The following CAVIN3 variants were observed in gnomAD, a reference collection of about 807,000 sequenced individuals.
The protein encoded by CAVIN3 is caveolae associated protein 3.
Under a neutral mutation model 8.2 loss-of-function variants are expected in CAVIN3, and 11 were observed. The observed-to-expected ratio is 1.35, with a 90% CI of 0.85 to 2.23. CAVIN3 has a LOEUF of 2.23. Among genes scored for constraint, CAVIN3 ranks in the 30% most tolerant of loss-of-function variants. CAVIN3 has a pLI of 0.00. For synonymous variants in CAVIN3, 191 were observed against 166.3 expected (o/e 1.15, Z -1.14); for missense variants, 401 against 359.5 (o/e 1.12, Z -0.93).
intron 1 of CAVIN3, chr11:6,319,766 A>G: frequency 1.4e-6 from 1 of 723,658 alleles, no homozygotes; most frequent in Non-Finnish European, 2.4e-6. Flanking sequence ...GTGAGGGGCG[A>G]GAAGAGGATA....
rs1027592603 is a variant in CAVIN3 at position 6,319,448 on chromosome 11, G to A, written c.501C>T (p.Asp167=). 1.2e-6 allele frequency: 2 copies of A among 1,610,988 alleles called. No individual in the cohort carries two copies. The highest frequency in any genetic ancestry group is 1.7e-6 in the Non-Finnish European group (2 of 1,179,646). ...GGGCCCTGGACTCCACCGGCTCCTC[G>A]TCCGAGCTCTCTCCAACTTCGGCCT... is the stretch of plus-strand genomic sequence containing the variant. ...QLEAEVGESS[D]EEPVESRAQR... Residue 167 remains aspartate, a synonymous_variant, in exon 2 of 2, where the codon GAC becomes GAT. Coordinates refer to ENST00000303927, the MANE Select transcript of CAVIN3 (RefSeq NM_145040.3).
rs758251299 is a variant in CAVIN3 at position 6,320,362 on chromosome 11, G to C, written c.115C>G (p.Leu39Val). The part of the protein sequence containing the change: ...LEKLASMLET[L>V]RERQGGLARR... Reference sequence around the variant, plus strand: ...GCCAGGCCTCCCTGCCGCTCCCGCAGAGTCTCCAGCATGGAGGCCAGCTTC... The same window carrying C: ...GCCAGGCCTCCCTGCCGCTCCCGCACAGTCTCCAGCATGGAGGCCAGCTTC... Residue 39 changes from leucine to valine, a missense_variant, in exon 1 of 2, where the codon CTG (leucine) becomes GTG (valine). Leu to Val is a conservative substitution (Grantham distance 32). Transcript: ENST00000303927. 1.5e-5 allele frequency: 23 copies of C among 1,585,078 alleles called. No individual in the cohort carries two copies. Among genetic ancestry groups the C allele is most frequent in the South Asian group, 1.0e-4 (9 of 88,962 alleles).
At position 6,318,988 on chromosome 11, in the gene CAVIN3, G is replaced by T; in HGVS notation, c.*175C>A. The T allele has an allele frequency of 1.8e-6, 1 of 550,442 alleles. No homozygotes were observed. Among genetic ancestry groups the T allele is most frequent in the Non-Finnish European group, 3.1e-6 (1 of 321,640 alleles). 34.1% of individuals were successfully genotyped at this position (550,442 alleles called of 1,614,324 possible). A position where few individuals can be genotyped will look rare whatever the true frequency, so the allele number is the denominator to read the frequency against. ...TTATTGATGGTGAGCGCAAGCAGGT[G>T]TGAGTGACTGCACCTCTTTCAGAGG... is the stretch of plus-strand genomic sequence containing the variant. On this transcript the variant is annotated 3_prime_UTR_variant, in exon 2 of 2. Transcript: ENST00000303927.
rs1024765668 is a variant in CAVIN3, at chr11:6,320,260, T to C, written c.217A>G (p.Thr73Ala). 2 of 1,564,504 alleles carry C rather than the reference T, an allele frequency of 1.3e-6. No individual in the cohort carries two copies. The highest frequency in any genetic ancestry group is 3.6e-5 in the Admixed American group (2 of 54,904). ...GLGALSRSHDTTSNTLAQLLA... is the reference protein window; with the variant it reads ...GLGALSRSHDATSNTLAQLLA... ...AGCTGCGCCAAGGTGTTGCTGGTGGTGTCGTGGCTGCGACTCAGAGCGCCC... is the reference window on the plus strand; with the variant it reads ...AGCTGCGCCAAGGTGTTGCTGGTGGCGTCGTGGCTGCGACTCAGAGCGCCC... The change falls in exon 1 of 2, where the codon ACC becomes GCC. Residue 73 changes from threonine to alanine, a missense_variant. Transcript: ENST00000303927.
rs774548548 is a variant in CAVIN3, at chr11:6,319,267, G to A, written c.682C>T (p.Leu228=). The change falls in exon 2 of 2, where the codon CTG becomes TTG. Residue 228 remains leucine (L), a synonymous_variant. Transcript: ENST00000303927. ...AEAQPEAQPA[L]EPTLEPEPPQ... is the part of the protein sequence containing the mutation. ...GGCTCTGGCTCCAGCGTGGGCTCCA[G>A]CGCAGGCTGGGCTTCCGGCTGGGCT... 1 of 1,608,306 alleles carries A rather than the reference G, an allele frequency of 6.2e-7. No individual in the cohort carries two copies. Among genetic ancestry groups the A allele is most frequent in the Non-Finnish European group, 8.5e-7 (1 of 1,177,512 alleles).
Position 6,319,318 on chromosome 11 carries a change from G to C in CAVIN3, c.631C>G (p.Arg211Gly). Reference protein sequence around the residue: ...APPPTPVKPPRLGPGRSAEAQ... With the variant: ...APPPTPVKPPGLGPGRSAEAQ... ...TCAGCGCTCCGGCCAGGCCCAAGGC[G>C]AGGCGGCTTGACCGGGGTGGGCGGT... Residue 211 changes from arginine to glycine, a missense_variant, in exon 2 of 2, where the codon CGC (arginine) becomes GGC (glycine). Arg to Gly is a moderately radical substitution (Grantham distance 125, BLOSUM62 -2). Coordinates refer to ENST00000303927, the MANE Select transcript of CAVIN3 (RefSeq NM_145040.3). The C allele has an allele frequency of 6.2e-7, 1 of 1,604,954 alleles. No individual in the cohort carries two copies. The highest frequency in any genetic ancestry group is 8.5e-7 in the Non-Finnish European group (1 of 1,176,172).
At chr11:6,319,609 C>T in intron 1 of CAVIN3, 45 bp from the exon 2 acceptor site, 1 of 1,539,274 alleles carries the variant, frequency 6.5e-7, no homozygotes, top group Non-Finnish European at 8.7e-7. Context: ...CTCCTTACCC[C>T]CAGCAGCCCG....
chr11:6,319,078 CCTT>C lies in CAVIN3; in HGVS notation c.*82_*84del, dbSNP rs1846762509. The C allele has an allele frequency of 5.7e-6, 8 of 1,400,488 alleles. No homozygotes were observed. Among genetic ancestry groups the C allele is most frequent in the Non-Finnish European group, 6.7e-6 (7 of 1,047,048 alleles). The allele number at this position is 1,400,488 out of a possible 1,614,324, so 86.8% of individuals were successfully genotyped here. ...CGCCTTGGTGGATGTAGGATTCGCT[CCTT>C]ATTAGGGCGTGAGTGCTACATTCTG... On this transcript the variant is annotated 3_prime_UTR_variant, in exon 2 of 2. Transcript: ENST00000303927.
chr11:6,320,213 C>T lies in CAVIN3; in HGVS notation c.264G>A (p.Val88=), dbSNP rs1846812653. ...CTTGGGCGGCGTTGGCGTGCGAGCTCACGCGCTCCGCCTTGGCCAGCAGCT... is the reference window on the plus strand; with the variant it reads ...CTTGGGCGGCGTTGGCGTGCGAGCTTACGCGCTCCGCCTTGGCCAGCAGCT... ...LAQLLAKAER[V]SSHANAAQER... is the part of the protein sequence containing the mutation. Residue 88 remains valine (V), a synonymous_variant, in exon 1 of 2, where the codon GTG becomes GTA. Transcript: ENST00000303927. The T allele has an allele frequency of 1.9e-6, 3 of 1,564,686 alleles. No homozygotes were observed. Among genetic ancestry groups the T allele is most frequent in the Non-Finnish European group, 2.6e-6 (3 of 1,162,576 alleles).
rs138123107 is a variant in CAVIN3 at position 6,319,495 on chromosome 11, C to T, written c.454G>A (p.Glu152Lys). The T allele has an allele frequency of 3.1e-6, 5 of 1,601,340 alleles. No homozygotes were observed. The highest frequency in any genetic ancestry group is 3.4e-6 in the Non-Finnish European group (4 of 1,177,170). The change falls in exon 2 of 2, where the codon GAG (glutamate) becomes AAG (lysine). Residue 152 changes from glutamate (E) to lysine (K), a missense_variant. By Grantham distance (56) the Glu-to-Lys change is moderately conservative. Coordinates refer to ENST00000303927, the MANE Select transcript of CAVIN3 (RefSeq NM_145040.3). ...GCCTCCAGCTGCTCTGGGCCCAGCT[C>T]GGACTGGTCCGCCGGGCCCAAGGGC... ...PEPLGPADQS[E>K]LGPEQLEAEV...
At position 6,319,074 on chromosome 11, in the gene CAVIN3, C is replaced by T. The variant is rs937531403; in HGVS notation, c.*89G>A. ...CGCCCGCCTTGGTGGATGTAGGATT[C>T]GCTCCTTATTAGGGCGTGAGTGCTA... On this transcript the variant is annotated 3_prime_UTR_variant, in exon 2 of 2. Coordinates refer to ENST00000303927, the MANE Select transcript of CAVIN3 (RefSeq NM_145040.3). 1.5e-6 allele frequency: 2 copies of T among 1,367,710 alleles called. No individual in the cohort carries two copies. The highest frequency in any genetic ancestry group is 1.5e-5 in the African/African-American group (1 of 67,354). The allele number at this position is 1,367,710 out of a possible 1,614,324, so 84.7% of individuals were successfully genotyped here. A position where few individuals can be genotyped will look rare whatever the true frequency, so the allele number is the denominator to read the frequency against.
In CAVIN3 at chr11:6,319,404, C is replaced by G; in HGVS notation, c.545G>C (p.Gly182Ala). The G allele has an allele frequency of 6.2e-7, 1 of 1,611,044 alleles. No homozygotes were observed. Among genetic ancestry groups the G allele is most frequent in the Middle Eastern group, 1.7e-4 (1 of 6,050 alleles). The change falls in exon 2 of 2, where the codon GGA becomes GCA. Residue 182 changes from glycine (G) to alanine (A), a missense_variant. Gly to Ala is a moderately conservative substitution (Grantham distance 60, BLOSUM62 0). Coordinates refer to ENST00000303927, the MANE Select transcript of CAVIN3 (RefSeq NM_145040.3). The stretch of plus-strand genomic sequence containing the variant: ...TCGGAGGCTCTGTACCTTCTGCAAT[C>G]CGGTGCGCCGCAGCCGCTGGGCCCT... ...ESRAQRLRRT[G>A]LQKVQSLRRA...
rs35301211 is a variant in CAVIN3 at position 6,320,301 on chromosome 11, C to A, written c.176G>T (p.Arg59Leu). 32 of 1,565,064 alleles carry A rather than the reference C, an allele frequency of 2.0e-5. No individual in the cohort carries two copies. In the East Asian group the frequency reaches 6.6e-4, roughly 32 times the overall value. ...RQGGLAGSVR[R>L]IQSGLGALSR... ...CAGAGCGCCCAGGCCGCTCTGGATGCGGCGCACGGACCCTGCCAGGCCTCC... is the reference window on the plus strand; with the variant it reads ...CAGAGCGCCCAGGCCGCTCTGGATGAGGCGCACGGACCCTGCCAGGCCTCC... The change falls in exon 1 of 2, where the codon CGC becomes CTC. Residue 59 changes from arginine (R) to leucine (L), a missense_variant. Physicochemically the swap from Arg to Leu is moderately radical, Grantham distance 102 (BLOSUM62 -2). Coordinates refer to ENST00000303927, the MANE Select transcript of CAVIN3 (RefSeq NM_145040.3).
At position 6,320,086 on chromosome 11, in the gene CAVIN3, C is replaced by T. The variant is rs776309407; in HGVS notation, c.384+7G>A. 1.3e-6 allele frequency: 2 copies of T among 1,582,440 alleles called. No homozygotes were observed. The highest frequency in any genetic ancestry group is 1.7e-6 in the Non-Finnish European group (2 of 1,173,602). The stretch of plus-strand genomic sequence containing the variant: ...CCTCGGATTGGGGACCGTTTGAGGT[C>T]ACTGACCTTGAAGAGCAGAACGTGG... On this transcript the variant is annotated splice_region_variant and intron_variant, in intron 1 of 1. Coordinates refer to ENST00000303927, the MANE Select transcript of CAVIN3 (RefSeq NM_145040.3).
At chr11:6,320,068 T>G in intron 1 of CAVIN3, 25 bp downstream of exon 1, 1 of 1,563,426 alleles carries the variant, frequency 6.4e-7, no homozygotes, top group Non-Finnish European at 8.6e-7. Context: ...AGGCCTCGGA[T>G]TGGGGACCGT....
intron 1 of CAVIN3, 99 bp downstream of exon 1, chr11:6,319,994 G>C (rs1846799526): frequency 2.3e-6 from 3 of 1,297,596 alleles, no homozygotes; most frequent in South Asian, 1.5e-5. Context: ...GAGGGGTCAG[G>C]AATGTGGGTG....
At chr11:6,319,589 A>G (rs761802750) in intron 1 of CAVIN3, 25 bp from the exon 2 acceptor site, 82 of 1,551,840 alleles carry the variant, frequency 5.3e-5, no homozygotes, top group Middle Eastern at 3.3e-4. Flanking sequence ...CACAGCACTG[A>G]TCCTGGCAGC....
intron 1 of CAVIN3, 68 bp downstream of exon 1, chr11:6,320,025 G>C: frequency 1.4e-6 from 2 of 1,471,206 alleles, no homozygotes; most frequent in South Asian, 2.7e-5. Flanking sequence ...ATGGAAGCGG[G>C]GAGCCCCCAG....
Position 6,320,264 on chromosome 11 carries a change from G to C in CAVIN3, c.213C>G (p.His71Gln). 1 of 1,564,880 alleles carries C rather than the reference G, an allele frequency of 6.4e-7. No individual in the cohort carries two copies. The highest frequency in any genetic ancestry group is 8.6e-7 in the Non-Finnish European group (1 of 1,162,312). ...QSGLGALSRSHDTTSNTLAQL... is the reference protein window; with the variant it reads ...QSGLGALSRSQDTTSNTLAQL... ...GCGCCAAGGTGTTGCTGGTGGTGTC[G>C]TGGCTGCGACTCAGAGCGCCCAGGC... is the stretch of plus-strand genomic sequence containing the variant. The change falls in exon 1 of 2, where the codon CAC becomes CAG. Residue 71 changes from histidine to glutamine, a missense_variant. By Grantham distance (24) the His-to-Gln change is conservative (BLOSUM62 0). Transcript: ENST00000303927.
Sources: gnomAD v4.1 joint callset for allele counts on GRCh38, gnomAD v4.1.1 for gene constraint, MANE v1.5 for transcripts, NCBI Gene and HGNC (gene_info 2026-07-23, HGNC 2026-07-21) for gene names.